RP1: variants seen among roughly 807,000 people sequenced by gnomAD.
The protein encoded by RP1 is oxygen-regulated protein 1.
RP1 carries 16 observed loss-of-function variants against 14.8 expected under a neutral mutation model. The ratio of observed to expected loss-of-function variants is 1.08; its 90% CI spans 0.73 to 1.65. The LOEUF (loss-of-function observed/expected upper bound fraction) is 1.65. Among genes scored for constraint, RP1 ranks in the 40% most tolerant of loss-of-function variants. The pLI, the probability that RP1 is intolerant of heterozygous loss-of-function variation, is 0.00. For synonymous variants in RP1, 876 were observed against 883.6 expected (o/e 0.99, Z 0.15); for missense variants, 2,631 against 2,535.0 (o/e 1.04, Z -0.81).
rs553961808 is a variant in RP1 at position 54,852,518 on chromosome 8, C to T, written c.3836-56C>T. 2.9e-5 allele frequency: 33 copies of T among 1,137,472 alleles called. No individual in the cohort carries two copies. The South Asian group carries it at 1.3e-3, about 46-fold the overall frequency. The allele number at this position is 1,137,472 out of a possible 1,614,324, so 70.5% of individuals were successfully genotyped here. ...GATTTCCTTGCAGAATATCTAACTACATTCAAAGAGATAAATAAAAATGAG... is the reference window on the plus strand; with the variant it reads ...GATTTCCTTGCAGAATATCTAACTATATTCAAAGAGATAAATAAAAATGAG... On this transcript the variant is annotated intron_variant, in intron 25 of 28. Coordinates refer to the RP1 transcript ENST00000637698.
chr8:54,686,187 TC>T (rs993920188), intron 12 of RP1, among the ~76,000 whole-genome samples: 1 of 152,062 alleles, frequency 6.6e-6, no homozygotes, highest in African/African-American at 2.4e-5. Context: ...CAACAGGAGG[TC>T]TTTTATGTGT....
chr8:54,687,688 A>G (rs1257124184), intron 12 of RP1, among the ~76,000 whole-genome samples: 1 of 151,928 alleles, frequency 6.6e-6, no homozygotes, highest in Non-Finnish European at 1.5e-5. Flanking sequence ...TATACGCCAC[A>G]TTTTCTTTAT....
intron 1 of RP1, among the ~76,000 whole-genome samples, chr8:54,588,490 A>C (rs1481220546): frequency 6.6e-6 from 1 of 152,188 alleles, no homozygotes; most frequent in Non-Finnish European, 1.5e-5. Context: ...ATCTCACCAT[A>C]GAAGGAAGCT....
intron 15 of RP1, among the ~76,000 whole-genome samples, chr8:54,708,854 C>T (rs1467844776): frequency 6.6e-6 from 1 of 152,104 alleles, no homozygotes; most frequent in East Asian, 1.9e-4. Flanking sequence ...ATGGGTGACT[C>T]AGCTCTATCT....
intron 27 of RP1, among the ~76,000 whole-genome samples, chr8:54,865,378 C>T (rs1222481588): frequency 2.0e-5 from 3 of 151,490 alleles, no homozygotes; most frequent in Non-Finnish European, 4.4e-5. Context: ...TCTCTCTCTC[C>T]CTTCTTTCCT....
downstream of RP1, among the ~76,000 whole-genome samples, chr8:54,772,867 G>C (rs1285859977): frequency 1.3e-5 from 2 of 152,132 alleles, no homozygotes; most frequent in African/African-American, 4.8e-5. Context: ...AACCTATTAA[G>C]CTAGATTTAG....
chr8:54,688,712 G>A (rs1807629762), intron 12 of RP1, among the ~76,000 whole-genome samples: 1 of 152,164 alleles, frequency 6.6e-6, no homozygotes, highest in South Asian at 2.1e-4. Context: ...TTTGGTTACT[G>A]TAGCCTTGTA....
intron 18 of RP1, among the ~76,000 whole-genome samples, chr8:54,737,395 T>C (rs1172677383): frequency 1.3e-5 from 2 of 152,216 alleles, no homozygotes; most frequent in Admixed American, 6.6e-5. Flanking sequence ...TATCCCTTTA[T>C]TGTTTTCACT....
chr8:54,562,095 C>A (rs1481295600), intron 1 of RP1, among the ~76,000 whole-genome samples: 1 of 152,142 alleles, frequency 6.6e-6, no homozygotes, highest in African/African-American at 2.4e-5. Context: ...GAGATCCTGA[C>A]AGTTAAAATT....
At chr8:54,775,696 T>C (rs556808289) in intron 23 of RP1, among the ~76,000 whole-genome samples, 2 of 152,216 alleles carry the variant, frequency 1.3e-5, no homozygotes, top group Non-Finnish European at 2.9e-5. Flanking sequence ...GAAATGATTG[T>C]CATTGTTTTG....
At chr8:54,689,167 C>A (rs1007028113) in intron 12 of RP1, among the ~76,000 whole-genome samples, 1 of 152,010 alleles carries the variant, frequency 6.6e-6, no homozygotes, top group Non-Finnish European at 1.5e-5. Flanking sequence ...GATTTTGTAT[C>A]CTGAGACTTT....
At chr8:54,806,520 T>C (rs1440589178) in intron 24 of RP1, among the ~76,000 whole-genome samples, 1 of 152,210 alleles carries the variant, frequency 6.6e-6, no homozygotes, top group Non-Finnish European at 1.5e-5. Flanking sequence ...AGCTTTACAT[T>C]TGAAATTTCA....
intron 12 of RP1, among the ~76,000 whole-genome samples, chr8:54,681,482 TTGTGTGTGTGTGTGTGTGTGTG>T (rs3049538): frequency 7.1e-6 from 1 of 141,666 alleles, no homozygotes; most frequent in African/African-American, 2.7e-5. Context: ...ATTTTTTGAT[TTGTGTGTGTGTGTGTGTGTGTG>T]TGTGTGTGTG....
At position 54,768,801 on chromosome 8, in the gene RP1, C is replaced by T. The variant is rs545853759; in HGVS notation, c.3249-940C>T. 3.9e-5 allele frequency among the ~76,000 whole-genome samples: 6 copies of T among 152,202 alleles called. No individual in the cohort carries two copies. In the South Asian group the frequency reaches 1.2e-3, roughly 32 times the overall value. ...GGGAGCTTCTAACACTAAAGTTTAC[C>T]TGGTTTAGGGGGAAGCTCCAGGAGG... On this transcript the variant is annotated intron_variant, in intron 22 of 22. Coordinates refer to the RP1 transcript ENST00000636932.
At chr8:54,814,831 T>G (rs1235882217) in intron 24 of RP1, among the ~76,000 whole-genome samples, 3 of 152,132 alleles carry the variant, frequency 2.0e-5, no homozygotes, top group African/African-American at 7.2e-5. Context: ...AAAGCTCCAG[T>G]ATGTCTTTGG....
chr8:54,816,097 G>C (rs1403887196), intron 24 of RP1, among the ~76,000 whole-genome samples: 1 of 152,242 alleles, frequency 6.6e-6, no homozygotes, highest in East Asian at 1.9e-4. Context: ...AGCTTACAAG[G>C]AAGGTAGATT....
Position 54,852,270 on chromosome 8 carries a change from GT to G in RP1, c.3836-297del, listed in dbSNP as rs1419759785. ...CTAATAAAGAGAGAGGAGAGTTTCTGTTTTTTTAAAAAAATACATCTTTTCA... is the reference window on the plus strand; with the variant it reads ...CTAATAAAGAGAGAGGAGAGTTTCTGTTTTTTAAAAAAATACATCTTTTCA... On this transcript the variant is annotated intron_variant, in intron 25 of 28. Transcript: ENST00000637698. Among the ~76,000 whole-genome samples the G allele has an allele frequency of 2.6e-5, 4 of 151,982 alleles. No homozygotes were observed. The South Asian group carries it at 6.2e-4, about 24-fold the overall frequency.
intron 24 of RP1, among the ~76,000 whole-genome samples, chr8:54,829,456 T>C (rs1005927425): frequency 6.6e-6 from 1 of 152,158 alleles, no homozygotes; most frequent in Admixed American, 6.5e-5. Context: ...TCAATAAAAA[T>C]TTATATTAAT....
chr8:54,627,631 G>C lies in RP1; in HGVS notation c.3749G>C (p.Cys1250Ser). 2 of 1,614,200 alleles carry C rather than the reference G, an allele frequency of 1.2e-6. No homozygotes were observed. Among genetic ancestry groups the C allele is most frequent in the Non-Finnish European group, 1.7e-6 (2 of 1,179,996 alleles). The change falls in exon 4 of 4, where the codon TGT becomes TCT. Residue 1250 changes from cysteine to serine, a missense_variant. Transcript: ENST00000220676. Reference protein sequence around the residue: ...SASEACAPEVCVLEVTCSPCE... With the variant: ...SASEACAPEVSVLEVTCSPCE... Reference sequence around the variant, plus strand: ...AGTGAGGCATGTGCCCCTGAAGTCTGTGTTTTGGAAGTGACTTGCTCTCCA... The same window carrying C: ...AGTGAGGCATGTGCCCCTGAAGTCTCTGTTTTGGAAGTGACTTGCTCTCCA...
Sources: allele counts gnomAD v4.1 joint callset (sites outside exome capture counted in the v4.1 genomes callset), GRCh38; gene constraint gnomAD v4.1.1; transcripts MANE v1.5; gene names NCBI Gene and HGNC (gene_info 2026-07-23, HGNC 2026-07-21).